Variants in CDH13 observed in about 807,000 individuals in gnomAD.
The protein encoded by CDH13 is cadherin 13, also known as cadherin-13.
In CDH13, 24 loss-of-function variants were observed where a neutral mutation model predicts 63.8. The ratio of observed to expected loss-of-function variants is 0.38; its 90% CI spans 0.27 to 0.53. The LOEUF (loss-of-function observed/expected upper bound fraction) is 0.53, where lower values mean the gene tolerates loss of function less well. Ranked by LOEUF, CDH13 falls within the 20% of genes least tolerant of loss-of-function variation. CDH13 has a pLI of 0.85. For missense variants in CDH13, 1,049 were observed against 903.1 expected (o/e 1.16, Z -2.07); for synonymous variants, 503 against 355.3 (o/e 1.42, Z -4.67).
chr16:83,614,665 T>G (rs1178921891), intron 8 of CDH13, among the ~76,000 whole-genome samples: 1 of 152,180 alleles, frequency 6.6e-6, no homozygotes, highest in East Asian at 1.9e-4. Flanking sequence ...TGTTCTAGAT[T>G]TGAGGGTTGG....
intron 8 of CDH13, among the ~76,000 whole-genome samples, chr16:83,623,075 C>CTTGG (rs1190497377): frequency 6.6e-6 from 1 of 152,212 alleles, no homozygotes; most frequent in Non-Finnish European, 1.5e-5. Flanking sequence ...TCCTTTAAGA[C>CTTGG]TTGGCTCTGC....
chr16:82,989,686 G>T (rs144781924), intron 2 of CDH13, among the ~76,000 whole-genome samples: 503 of 152,332 alleles, frequency 3.3e-3, no homozygotes, highest in African/African-American at 0.011. Context: ...TATTCAAGGT[G>T]CAGGGTATTG....
chr16:83,232,909 C>G (rs1322585845), intron 5 of CDH13, among the ~76,000 whole-genome samples: 2 of 152,114 alleles, frequency 1.3e-5, no homozygotes, highest in African/African-American at 4.8e-5. Flanking sequence ...TTATAAGTTT[C>G]CCCTTTTCTG....
intron 4 of CDH13, among the ~76,000 whole-genome samples, chr16:83,154,819 C>G (rs890496778): frequency 6.6e-6 from 1 of 152,080 alleles, no homozygotes; most frequent in Admixed American, 6.5e-5. Context: ...TTCTGTAAGA[C>G]CTGCAAGTAA....
chr16:83,366,429 G>A (rs374835235), intron 6 of CDH13, among the ~76,000 whole-genome samples: 36 of 152,140 alleles, frequency 2.4e-4, no homozygotes, highest in African/African-American at 7.5e-4. Flanking sequence ...CTTTACGTGC[G>A]AGTCCCCAGC....
intron 5 of CDH13, among the ~76,000 whole-genome samples, chr16:83,327,886 A>G (rs2090399231): frequency 6.6e-6 from 1 of 152,264 alleles, no homozygotes; most frequent in African/African-American, 2.4e-5. Context: ...TAATCCCAGC[A>G]CTTTGGGAGT....
intron 8 of CDH13, among the ~76,000 whole-genome samples, chr16:83,649,863 G>T (rs1488653625): frequency 6.6e-6 from 1 of 152,194 alleles, no homozygotes; most frequent in Non-Finnish European, 1.5e-5. Context: ...TTCAAAAGGC[G>T]GGCCCAGGTT....
chr16:82,648,107 A>G (rs763810060), intron 1 of CDH13, among the ~76,000 whole-genome samples: 1 of 152,174 alleles, frequency 6.6e-6, no homozygotes, highest in Non-Finnish European at 1.5e-5. Context: ...AGCCATGTGG[A>G]ACTGTGTGTC....
chr16:83,065,046 A>C (rs1042158459), intron 3 of CDH13, among the ~76,000 whole-genome samples: 1 of 151,968 alleles, frequency 6.6e-6, no homozygotes, highest in Admixed American at 6.6e-5. Flanking sequence ...TCACCATCCT[A>C]CTGCTTCTAG....
chr16:83,677,994 A>G (rs949435574), intron 9 of CDH13, among the ~76,000 whole-genome samples: 1 of 151,626 alleles, frequency 6.6e-6, no homozygotes, highest in Non-Finnish European at 1.5e-5. Context: ...ACACAAAAAC[A>G]AAAAAAAACC....
chr16:82,634,666 A>G (rs1016481083), intron 1 of CDH13, among the ~76,000 whole-genome samples: 9 of 152,212 alleles, frequency 5.9e-5, no homozygotes, highest in Admixed American at 2.0e-4. Flanking sequence ...TGGCCCCTGA[A>G]GCTGAAAGTA....
intron 2 of CDH13, among the ~76,000 whole-genome samples, chr16:82,940,494 A>G (rs1904276038): frequency 2.0e-5 from 3 of 152,278 alleles, no homozygotes; most frequent in East Asian, 1.9e-4. Context: ...GAGTTTTGCA[A>G]TCAGTTTGAT....
At chr16:83,172,381 C>G (rs973375647) in intron 4 of CDH13, among the ~76,000 whole-genome samples, 1 of 151,964 alleles carries the variant, frequency 6.6e-6, no homozygotes, top group African/African-American at 2.4e-5. Flanking sequence ...ATTCCAGCTA[C>G]TCATGAGGCT....
chr16:82,914,047 G>A (rs2041913357), intron 2 of CDH13, among the ~76,000 whole-genome samples: 1 of 151,866 alleles, frequency 6.6e-6, no homozygotes. Flanking sequence ...GCAATGACTT[G>A]GTCAGGATGA....
At chr16:82,981,338 C>G (rs769334652) in intron 2 of CDH13, among the ~76,000 whole-genome samples, 1 of 152,140 alleles carries the variant, frequency 6.6e-6, no homozygotes, top group South Asian at 2.1e-4. Context: ...ACACTGCAGT[C>G]CAATTTCAAA....
intron 2 of CDH13, among the ~76,000 whole-genome samples, chr16:83,022,833 G>A (rs1915468545): frequency 6.6e-6 from 1 of 152,204 alleles, no homozygotes; most frequent in African/African-American, 2.4e-5. Context: ...AGATGTGAGT[G>A]TATAAATCAC....
chr16:83,421,103 T>C lies in CDH13; in HGVS notation c.782-65374T>C, dbSNP rs1327571789. Among the ~76,000 whole-genome samples, 2 of 152,062 alleles carry C rather than the reference T, an allele frequency of 1.3e-5. 1 individual carries two copies. The highest frequency in any genetic ancestry group is 4.2e-4 in the South Asian group (2 of 4,812). On this transcript the variant is annotated intron_variant, in intron 6 of 13. Coordinates refer to ENST00000567109, the MANE Select transcript of CDH13 (RefSeq NM_001257.5). Reference sequence around the variant, plus strand: ...TAATAAGGGATAATGTGAAGGGAGATGAGAACAAGGGCTACATCTAGAACC... The same window carrying C: ...TAATAAGGGATAATGTGAAGGGAGACGAGAACAAGGGCTACATCTAGAACC...
At chr16:82,709,102 C>T (rs1238407967) in intron 1 of CDH13, among the ~76,000 whole-genome samples, 1 of 151,946 alleles carries the variant, frequency 6.6e-6, no homozygotes, top group Non-Finnish European at 1.5e-5. Flanking sequence ...GCAGTAGATA[C>T]AATGAACATA....
intron 10 of CDH13, among the ~76,000 whole-genome samples, chr16:83,703,081 G>T (rs115612470): frequency 6.6e-6 from 1 of 152,090 alleles, no homozygotes; most frequent in Non-Finnish European, 1.5e-5. Flanking sequence ...TTCCTCCTTG[G>T]GTCATGTATC....
Sources: allele counts gnomAD v4.1 joint callset (sites outside exome capture counted in the v4.1 genomes callset), GRCh38; gene constraint gnomAD v4.1.1; transcripts MANE v1.5; gene names NCBI Gene and HGNC (gene_info 2026-07-23, HGNC 2026-07-21).